The following CSGALNACT1 variants were observed in gnomAD, a reference collection of about 807,000 sequenced individuals.
CSGALNACT1 encodes chondroitin sulfate N-acetylgalactosaminyltransferase 1, also known as beta4GalNAcT-1.
Under a neutral mutation model 51.0 loss-of-function variants are expected in CSGALNACT1, and 52 were observed. The observed-to-expected ratio is 1.02, with a 90% CI of 0.82 to 1.29. CSGALNACT1 has a LOEUF of 1.29. CSGALNACT1 is among the 50% of genes most tolerant of loss of function. The pLI, the probability that CSGALNACT1 is intolerant of heterozygous loss-of-function variation, is 0.00. For missense variants in CSGALNACT1, 935 were observed against 679.2 expected, an observed-to-expected ratio of 1.38 and a Z score of -4.19; for synonymous variants, 341 against 254.4, an observed-to-expected ratio of 1.34 and a Z score of -3.24.
Position 19,523,178 on chromosome 8 carries a change from G to T in CSGALNACT1, c.-296-17048C>A, listed in dbSNP as rs145415442. On this transcript the variant is annotated intron_variant, in intron 3 of 9. Coordinates refer to ENST00000454498, the Ensembl canonical transcript of CSGALNACT1. ...CAAGCACCTGTGAAAGAGGGGCGGGGCACCACCTTCTCATGCCACACCCAC... is the reference window on the plus strand; with the variant it reads ...CAAGCACCTGTGAAAGAGGGGCGGGTCACCACCTTCTCATGCCACACCCAC... Among the ~76,000 whole-genome samples the T allele has an allele frequency of 3.7e-4, 56 of 152,274 alleles. 2 individuals carry two copies. Among genetic ancestry groups the T allele is most frequent in the Middle Eastern group, 3.4e-3 (1 of 294 alleles).
chr8:19,405,080 T>C (rs1209542545), exon 10 of CSGALNACT1: 6 of 453,772 alleles, frequency 1.3e-5, no homozygotes, highest in South Asian at 6.2e-5. Context: ...TAGGCCAACT[T>C]GTGCTCTCTT....
At chr8:19,406,479 T>G (rs1472385384) in intron 9 of CSGALNACT1, among the ~76,000 whole-genome samples, 1 of 152,006 alleles carries the variant, frequency 6.6e-6, no homozygotes, top group Non-Finnish European at 1.5e-5. Flanking sequence ...TAAAAATAGC[T>G]AGAAGACTGA....
chr8:19,681,162 C>G (rs1441652469), intron 1 of CSGALNACT1, among the ~76,000 whole-genome samples: 2 of 152,088 alleles, frequency 1.3e-5, no homozygotes, highest in East Asian at 1.9e-4. Flanking sequence ...CATTGGGATA[C>G]TAGGAAAGCA....
chr8:19,738,352 C>T (rs1055317038), intron 1 of CSGALNACT1, among the ~76,000 whole-genome samples: 3 of 152,186 alleles, frequency 2.0e-5, no homozygotes, highest in African/African-American at 7.2e-5. Context: ...GAAGACATTA[C>T]AGTAAGTGAA....
chr8:19,448,015 T>C (rs893584951), intron 5 of CSGALNACT1, among the ~76,000 whole-genome samples: 1 of 152,254 alleles, frequency 6.6e-6, no homozygotes, highest in Non-Finnish European at 1.5e-5. Flanking sequence ...ATAGCCCCTC[T>C]GGCTGTTGTC....
intron 4 of CSGALNACT1, among the ~76,000 whole-genome samples, chr8:19,481,089 G>C (rs1238327303): frequency 6.6e-6 from 1 of 152,156 alleles, no homozygotes; most frequent in Non-Finnish European, 1.5e-5. Context: ...AGTTTTAAAG[G>C]CTGTAATTAA....
intron 1 of CSGALNACT1, among the ~76,000 whole-genome samples, chr8:19,717,856 C>G (rs890872336): frequency 2.6e-5 from 4 of 152,178 alleles, no homozygotes; most frequent in Non-Finnish European, 4.4e-5. Flanking sequence ...GCCTCAGGCA[C>G]TGCAACCCTA....
intron 1 of CSGALNACT1, among the ~76,000 whole-genome samples, chr8:19,702,007 A>C (rs1035847347): frequency 2.6e-5 from 4 of 152,190 alleles, no homozygotes; most frequent in Admixed American, 6.5e-5. Flanking sequence ...TTCCTTTAGG[A>C]ACTGAGATTC....
Position 19,711,858 on chromosome 8 carries a change from G to A in CSGALNACT1, c.-297+45992C>T, listed in dbSNP as rs558098276. 1.1e-3 allele frequency among the ~76,000 whole-genome samples: 172 copies of A among 152,244 alleles called. 1 individual carries two copies. The highest frequency in any genetic ancestry group is 4.1e-3 in the African/African-American group (170 of 41,534). On this transcript the variant is annotated intron_variant, in intron 1 of 1. Transcript: ENST00000517494. ...GAACAGTGTGTGGCACCTCCAACAT[G>A]CCAGGCACTACTGGGATGGTCACTT...
At chr8:19,684,552 G>T (rs531751268), upstream of CSGALNACT1, among the ~76,000 whole-genome samples, 33 of 152,128 alleles carry the variant, frequency 2.2e-4, no homozygotes, top group Non-Finnish European at 3.4e-4. Context: ...GAGAAAAAGG[G>T]AACAGATGCC....
chr8:19,537,135 T>C (rs2083930154), intron 3 of CSGALNACT1, among the ~76,000 whole-genome samples: 1 of 152,224 alleles, frequency 6.6e-6, no homozygotes, highest in South Asian at 2.1e-4. Context: ...CAGAATTCTT[T>C]CCTCATGAGT....
intron 2 of CSGALNACT1, among the ~76,000 whole-genome samples, chr8:19,593,632 G>A (rs777340716): frequency 1.8e-4 from 27 of 152,208 alleles, no homozygotes; most frequent in Non-Finnish European, 1.2e-4. Context: ...TCTTTACAGG[G>A]TATGAATAAC....
At chr8:19,702,024 G>A (rs1191107004) in intron 1 of CSGALNACT1, among the ~76,000 whole-genome samples, 4 of 152,068 alleles carry the variant, frequency 2.6e-5, no homozygotes, top group Non-Finnish European at 5.9e-5. Context: ...ATTCTTACAG[G>A]TCTGGCAAAC....
intron 4 of CSGALNACT1, among the ~76,000 whole-genome samples, chr8:19,464,046 C>T (rs4072132): frequency 0.19 from 28,591 of 152,156 alleles, 2,847 homozygotes; most frequent in African/African-American, 0.2. Flanking sequence ...CACTGACATG[C>T]GTGCAGACGG....
At chr8:19,515,756 T>C (rs4436140) in intron 3 of CSGALNACT1, among the ~76,000 whole-genome samples, 1 of 151,890 alleles carries the variant, frequency 6.6e-6, no homozygotes, top group African/African-American at 2.4e-5. Context: ...TGGCAAACTT[T>C]TAGAGAGGAG....
chr8:19,426,536 A>G (rs1250552899), intron 6 of CSGALNACT1, among the ~76,000 whole-genome samples: 3 of 152,240 alleles, frequency 2.0e-5, no homozygotes, highest in Non-Finnish European at 4.4e-5. Context: ...TTTATATTAC[A>G]TAACTTCCTG....
At chr8:19,635,693 G>A (rs944517092) in intron 1 of CSGALNACT1, among the ~76,000 whole-genome samples, 7 of 152,108 alleles carry the variant, frequency 4.6e-5, no homozygotes, top group African/African-American at 7.2e-5. Flanking sequence ...CATCCAAAGC[G>A]GGCATTTAGG....
intron 5 of CSGALNACT1, among the ~76,000 whole-genome samples, chr8:19,453,901 T>G (rs1383135146): frequency 6.9e-6 from 1 of 145,918 alleles, no homozygotes; most frequent in Non-Finnish European, 1.5e-5. Flanking sequence ...GACAGAGTGA[T>G]ACTCCTCCAT....
chr8:19,573,836 G>T (rs1425335832), intron 3 of CSGALNACT1, among the ~76,000 whole-genome samples: 2 of 152,146 alleles, frequency 1.3e-5, no homozygotes, highest in Admixed American at 1.3e-4. Flanking sequence ...AAGGTGCTGG[G>T]GATAAAGCAG....
Sources: gnomAD v4.1 joint callset for allele counts (sites outside exome capture counted in the v4.1 genomes callset) on GRCh38, gnomAD v4.1.1 for gene constraint, MANE v1.5 for transcripts, NCBI Gene and HGNC (gene_info 2026-07-23, HGNC 2026-07-21) for gene names.